The following AGBL4 variants were observed in gnomAD, a reference collection of about 807,000 sequenced individuals.
AGBL4 encodes the protein AGBL carboxypeptidase 4, also known as cytosolic carboxypeptidase 6.
Under a neutral mutation model 66.4 loss-of-function variants are expected in AGBL4, and 58 were observed. The ratio of observed to expected loss-of-function variants is 0.87; its 90% CI spans 0.71 to 1.09. The LOEUF is 1.09. Ranked by LOEUF, AGBL4 falls within the 50% of genes least tolerant of loss-of-function variation. The probability of loss-of-function intolerance (pLI) is 0.00; values close to 1 mark genes in which losing one functional copy is unlikely to be tolerated. For missense variants in AGBL4, 579 were observed against 631.0 expected (o/e 0.92, Z 0.88); for synonymous variants, 234 against 222.9 (o/e 1.05, Z -0.44).
chr1:48,799,654 T>C lies in AGBL4; in HGVS notation c.634+67537A>G, dbSNP rs898636895. Among the ~76,000 whole-genome samples, 12 of 152,304 alleles carry C rather than the reference T, an allele frequency of 7.9e-5. No individual in the cohort carries two copies. In the East Asian group the frequency reaches 2.3e-3, roughly 29 times the overall value. On this transcript the variant is annotated intron_variant, in intron 6 of 13. Transcript: ENST00000371839. ...GGTTTGTCATAGATAGCTTTTATTA[T>C]GTTGAGATATGACACTTCTATGCTG...
intron 1 of AGBL4, among the ~76,000 whole-genome samples, chr1:49,929,333 A>C (rs1360061123): frequency 6.6e-6 from 1 of 152,160 alleles, no homozygotes; most frequent in African/African-American, 2.4e-5. Context: ...TGAAAAAAAA[A>C]TCCTAAAGCA....
intron 1 of AGBL4, among the ~76,000 whole-genome samples, chr1:49,948,059 T>C (rs1160002537): frequency 1.1e-5 from 1 of 91,978 alleles, no homozygotes; most frequent in East Asian, 3.1e-4. Context: ...TAAATATATA[T>C]ATGTAAATAT....
chr1:49,203,655 T>C (rs1199217516), intron 4 of AGBL4, among the ~76,000 whole-genome samples: 4 of 152,280 alleles, frequency 2.6e-5, no homozygotes, highest in South Asian at 2.1e-4. Context: ...AGAGTTTCAG[T>C]TGGCTGGGCA....
chr1:49,076,335 T>C (rs1307292069), intron 4 of AGBL4, among the ~76,000 whole-genome samples: 1 of 152,210 alleles, frequency 6.6e-6, no homozygotes. Context: ...AGATTACTTG[T>C]AATACCTAAA....
intron 3 of AGBL4, among the ~76,000 whole-genome samples, chr1:49,482,975 G>A (rs1646987984): frequency 1.3e-5 from 2 of 152,088 alleles, no homozygotes; most frequent in South Asian, 4.2e-4. Context: ...ATTGTGCTGT[G>A]GTCTGAGAGA....
At chr1:49,724,321 T>C (rs972182459) in intron 2 of AGBL4, among the ~76,000 whole-genome samples, 3 of 152,154 alleles carry the variant, frequency 2.0e-5, no homozygotes, top group Admixed American at 2.0e-4. Context: ...AATCAAACCC[T>C]ATATTTTATA....
At chr1:49,034,557 T>C (rs934883219) in intron 5 of AGBL4, among the ~76,000 whole-genome samples, 2 of 152,104 alleles carry the variant, frequency 1.3e-5, no homozygotes, top group Non-Finnish European at 2.9e-5. Flanking sequence ...CCTACCCAAC[T>C]CTCACCTGGA....
intron 1 of AGBL4, among the ~76,000 whole-genome samples, chr1:49,973,688 AATG>A (rs1371879024): frequency 6.7e-6 from 1 of 148,484 alleles, no homozygotes; most frequent in Admixed American, 6.8e-5. Context: ...ATTATATAGA[AATG>A]ATATTGTTAT....
intron 5 of AGBL4, among the ~76,000 whole-genome samples, chr1:48,922,651 G>A (rs2148893583): frequency 6.6e-6 from 1 of 152,228 alleles, no homozygotes; most frequent in Admixed American, 6.5e-5. Context: ...TCTTAATTTA[G>A]GAGACAGGTG....
Position 49,303,312 on chromosome 1 carries a change from G to A in AGBL4, c.283-57448C>T, listed in dbSNP as rs572844294. 2.0e-5 allele frequency among the ~76,000 whole-genome samples: 3 copies of A among 152,152 alleles called. No individual in the cohort carries two copies. In the South Asian group the frequency reaches 6.2e-4, roughly 32 times the overall value. ...AGCATTTATAGTTCTCCACAGCCTT[G>A]CCAGCATCTGTTTTTTCTTGACTAA... On this transcript the variant is annotated intron_variant, in intron 3 of 13. Transcript: ENST00000371839.
chr1:49,576,613 C>T (rs190097864), intron 3 of AGBL4, among the ~76,000 whole-genome samples: 3 of 152,178 alleles, frequency 2.0e-5, no homozygotes. Flanking sequence ...TCTGACTCAT[C>T]TAGCCATAAA....
intron 2 of AGBL4, among the ~76,000 whole-genome samples, chr1:49,767,586 AAAAAAAGAAGTAAAATCAC>A (rs1246433459): frequency 6.6e-6 from 1 of 152,112 alleles, no homozygotes; most frequent in East Asian, 1.9e-4. Context: ...ATAAGCGGAA[AAAAAAAGAAGTAAAATCAC>A]AGCAGAGTTG....
chr1:49,266,535 T>C (rs1242703852), intron 3 of AGBL4, among the ~76,000 whole-genome samples: 1 of 152,138 alleles, frequency 6.6e-6, no homozygotes, highest in Non-Finnish European at 1.5e-5. Flanking sequence ...GGTTTCCTAC[T>C]CTGCTATGTG....
chr1:48,551,162 C>T (rs1644243198), intron 11 of AGBL4, among the ~76,000 whole-genome samples: 3 of 152,172 alleles, frequency 2.0e-5, no homozygotes, highest in Admixed American at 6.5e-5. Context: ...CATGGCCTTC[C>T]ATAAGCTAGT....
At chr1:49,648,675 C>G (rs868067894) in intron 3 of AGBL4, among the ~76,000 whole-genome samples, 11 of 151,924 alleles carry the variant, frequency 7.2e-5, no homozygotes, top group Admixed American at 6.6e-4. Context: ...CAACTTCTCT[C>G]CAGAAACTAT....
chr1:49,429,177 G>T (rs1255439287), intron 3 of AGBL4, among the ~76,000 whole-genome samples: 2 of 152,180 alleles, frequency 1.3e-5, no homozygotes, highest in Non-Finnish European at 2.9e-5. Flanking sequence ...AGAGCCAGAT[G>T]ATAAATATTT....
At chr1:48,710,844 T>C (rs2148517628) in intron 6 of AGBL4, among the ~76,000 whole-genome samples, 1 of 152,242 alleles carries the variant, frequency 6.6e-6, no homozygotes, top group South Asian at 2.1e-4. Context: ...TATTAGGACA[T>C]AAGGCAGCTC....
At chr1:49,073,180 T>C (rs553486403) in intron 4 of AGBL4, among the ~76,000 whole-genome samples, 1 of 152,344 alleles carries the variant, frequency 6.6e-6, no homozygotes, top group Admixed American at 6.5e-5. Flanking sequence ...TTCTTTGCAT[T>C]GGGTTAGAAC....
chr1:48,721,097 C>T (rs2148532708), intron 6 of AGBL4, among the ~76,000 whole-genome samples: 1 of 151,866 alleles, frequency 6.6e-6, no homozygotes, highest in Middle Eastern at 3.4e-3. Flanking sequence ...CTTGAGGGTG[C>T]TCCACAGGGG....
Sources: gnomAD v4.1 joint callset for allele counts (sites outside exome capture counted in the v4.1 genomes callset) on GRCh38, gnomAD v4.1.1 for gene constraint, MANE v1.5 for transcripts, NCBI Gene and HGNC (gene_info 2026-07-23, HGNC 2026-07-21) for gene names.